Variants in LHFPL2 observed in about 807,000 individuals in gnomAD.
LHFPL2 encodes LHFPL tetraspan subfamily member 2, also known as LHFPL tetraspan subfamily member 2 protein.
LHFPL2 carries 7 observed loss-of-function variants against 17.5 expected under a neutral mutation model. The ratio of observed to expected loss-of-function variants is 0.40; its 90% CI spans 0.23 to 0.75. The LOEUF is 0.75. Among genes scored for constraint, LHFPL2 ranks in the 30% least tolerant of loss-of-function variants. The probability of loss-of-function intolerance (pLI) is 0.37; values close to 1 mark genes in which losing one functional copy is unlikely to be tolerated. For missense variants in LHFPL2, 241 were observed against 294.8 expected (o/e 0.82, Z 1.34); for synonymous variants, 134 against 116.2 (o/e 1.15, Z -0.99).
rs566883961 is a variant in LHFPL2 at position 78,573,896 on chromosome 5, T to C, written c.-244-9025A>G. Among the ~76,000 whole-genome samples the C allele has an allele frequency of 1.1e-4, 16 of 152,332 alleles. No homozygotes were observed. The South Asian group carries it at 2.3e-3, about 22-fold the overall frequency. On this transcript the variant is annotated intron_variant, in intron 2 of 4. Coordinates refer to ENST00000380345, the MANE Select transcript of LHFPL2 (RefSeq NM_005779.3). ...GTGTGTAAGTTTTAGAATTCTGTAA[T>C]GTTTGAATTTTGTATAATAGGAATG...
chr5:78,502,359 C>T (rs774157319), intron 4 of LHFPL2, among the ~76,000 whole-genome samples: 1 of 152,202 alleles, frequency 6.6e-6, no homozygotes. Context: ...AGCAGTAATT[C>T]CTGTTTAAAA....
intron 3 of LHFPL2, among the ~76,000 whole-genome samples, chr5:78,558,651 A>T (rs1471208152): frequency 1.3e-5 from 2 of 152,164 alleles, no homozygotes; most frequent in Non-Finnish European, 2.9e-5. Context: ...TACATTTATT[A>T]CGGGAGATCC....
intron 4 of LHFPL2, among the ~76,000 whole-genome samples, chr5:78,490,355 C>T (rs1344113738): frequency 1.3e-5 from 2 of 152,168 alleles, no homozygotes; most frequent in African/African-American, 4.8e-5. Context: ...CTGCCAGTCA[C>T]ATGACAGTAG....
chr5:78,640,659 A>G (rs116134075), intron 1 of LHFPL2, among the ~76,000 whole-genome samples: 2,334 of 152,352 alleles, frequency 0.015, 33 homozygotes, highest in South Asian at 0.032. Context: ...ACAGAAAAAT[A>G]AAGAAAAAAA....
intron 2 of LHFPL2, among the ~76,000 whole-genome samples, chr5:78,579,805 C>T (rs1195372174): frequency 2.6e-5 from 4 of 152,194 alleles, no homozygotes; most frequent in African/African-American, 4.8e-5. Flanking sequence ...AATAAACATA[C>T]GTGTGCATGT....
chr5:78,555,403 G>A (rs1756545789), intron 3 of LHFPL2, among the ~76,000 whole-genome samples: 1 of 152,214 alleles, frequency 6.6e-6, no homozygotes, highest in South Asian at 2.1e-4. Flanking sequence ...TATCCATTGT[G>A]TAAGACTATT....
At chr5:78,554,622 G>A (rs1376961405) in intron 3 of LHFPL2, among the ~76,000 whole-genome samples, 1 of 152,190 alleles carries the variant, frequency 6.6e-6, no homozygotes, top group Non-Finnish European at 1.5e-5. Flanking sequence ...ACAGATAAGG[G>A]AAGGCAGACC....
chr5:78,592,753 CAT>C (rs1681507348), intron 2 of LHFPL2, among the ~76,000 whole-genome samples: 1 of 121,762 alleles, frequency 8.2e-6, no homozygotes, highest in Non-Finnish European at 1.7e-5. Flanking sequence ...CACACACACA[CAT>C]TACTCTTCAA....
At chr5:78,496,252 T>G (rs1386909433) in intron 4 of LHFPL2, among the ~76,000 whole-genome samples, 2 of 152,196 alleles carry the variant, frequency 1.3e-5, no homozygotes, top group Non-Finnish European at 2.9e-5. Context: ...GTGACACTTT[T>G]TAGGAACTTG....
chr5:78,547,379 C>T lies in LHFPL2; in HGVS notation c.-186+17434G>A, dbSNP rs560581313. On this transcript the variant is annotated intron_variant, in intron 3 of 4. Coordinates refer to ENST00000380345, the MANE Select transcript of LHFPL2 (RefSeq NM_005779.3). Reference sequence around the variant, plus strand: ...TACACATTGAGTTACATCAACTCCCCAAAAGCAATGTCCTAGGACCACAGT... The same window carrying T: ...TACACATTGAGTTACATCAACTCCCTAAAAGCAATGTCCTAGGACCACAGT... 5.9e-5 allele frequency among the ~76,000 whole-genome samples: 9 copies of T among 152,290 alleles called. No homozygotes were observed. In the South Asian group the frequency reaches 1.9e-3, roughly 32 times the overall value.
intron 4 of LHFPL2, among the ~76,000 whole-genome samples, chr5:78,495,021 A>C (rs1205723957): frequency 3.3e-5 from 5 of 152,222 alleles, no homozygotes; most frequent in Non-Finnish European, 7.3e-5. Context: ...ACTGCCCTGG[A>C]ATCAAATAAT....
At chr5:78,531,724 T>C (rs1755789579) in intron 3 of LHFPL2, among the ~76,000 whole-genome samples, 1 of 152,060 alleles carries the variant, frequency 6.6e-6, no homozygotes, top group South Asian at 2.1e-4. Flanking sequence ...GCCAATGAGA[T>C]GGGGATGGAC....
chr5:78,491,459 G>T (rs745952162), intron 4 of LHFPL2, among the ~76,000 whole-genome samples: 1 of 152,230 alleles, frequency 6.6e-6, no homozygotes, highest in East Asian at 1.9e-4. Flanking sequence ...ACTCTTGGTC[G>T]TCTAGAATAT....
At chr5:78,636,599 TC>T (rs781532966) in intron 1 of LHFPL2, among the ~76,000 whole-genome samples, 34 of 152,318 alleles carry the variant, frequency 2.2e-4, no homozygotes, top group Admixed American at 6.5e-4. Flanking sequence ...TGGGGCCCCT[TC>T]TTCATCCATT....
chr5:78,618,902 A>G (rs896062576), intron 2 of LHFPL2, among the ~76,000 whole-genome samples: 28 of 152,228 alleles, frequency 1.8e-4, no homozygotes, highest in African/African-American at 6.5e-4. Context: ...AAATCGGTCA[A>G]AACCAGACGG....
At chr5:78,539,827 T>C (rs1003043509) in intron 3 of LHFPL2, among the ~76,000 whole-genome samples, 1 of 152,050 alleles carries the variant, frequency 6.6e-6, no homozygotes, top group African/African-American at 2.4e-5. Context: ...TTTTTTTTTT[T>C]TTTTTTTAAG....
chr5:78,538,105 C>T (rs1234504346), intron 3 of LHFPL2, among the ~76,000 whole-genome samples: 2 of 152,176 alleles, frequency 1.3e-5, no homozygotes, highest in South Asian at 4.1e-4. Flanking sequence ...ATCTGCAACT[C>T]CTGAATCAGG....
chr5:78,593,357 C>A (rs1743712609), intron 2 of LHFPL2, among the ~76,000 whole-genome samples: 1 of 152,110 alleles, frequency 6.6e-6, no homozygotes, highest in African/African-American at 2.4e-5. Context: ...GTCCTGAGAT[C>A]CCTGGTGACA....
intron 2 of LHFPL2, among the ~76,000 whole-genome samples, chr5:78,616,799 C>T (rs994276256): frequency 6.6e-6 from 1 of 152,176 alleles, no homozygotes; most frequent in Non-Finnish European, 1.5e-5. Flanking sequence ...ATGTCCACAG[C>T]CCTGACAACC....
Sources: allele counts gnomAD v4.1 joint callset (sites outside exome capture counted in the v4.1 genomes callset), GRCh38; gene constraint gnomAD v4.1.1; transcripts MANE v1.5; gene names NCBI Gene and HGNC (gene_info 2026-07-23, HGNC 2026-07-21).